B4GALT6: variants seen among roughly 807,000 people sequenced by gnomAD.
B4GALT6 encodes beta-1,4-galactosyltransferase 6.
A neutral mutation model predicts 46.3 loss-of-function variants in B4GALT6; 14 were observed. That is an observed-to-expected ratio of 0.30 (90% confidence interval 0.20 to 0.47). The LOEUF is 0.47. Ranked by LOEUF, B4GALT6 falls within the 20% of genes least tolerant of loss-of-function variation. The pLI, the probability that B4GALT6 is intolerant of heterozygous loss-of-function variation, is 0.99. For missense variants in B4GALT6, 386 were observed against 480.1 expected, an observed-to-expected ratio of 0.80 and a Z score of 1.83; for synonymous variants, 168 against 162.0, an observed-to-expected ratio of 1.04 and a Z score of -0.28.
At position 31,625,416 on chromosome 18, in the gene B4GALT6, A is replaced by T. The variant is rs2073679016; in HGVS notation, c.*198T>A. On this transcript the variant is annotated 3_prime_UTR_variant, in exon 9 of 9. Coordinates refer to ENST00000306851, the MANE Select transcript of B4GALT6 (RefSeq NM_004775.5). ...TTCCCGTTTCTGCGGTGCTCGCCAC[A>T]GGGGTGTGTCTCAGAGCAGGGAGGA... The T allele has an allele frequency of 5.8e-6, 3 of 518,720 alleles. No homozygotes were observed. Among genetic ancestry groups the T allele is most frequent in the Non-Finnish European group, 9.8e-6 (3 of 307,050 alleles). The allele number at this position is 518,720 out of a possible 1,614,324, so 32.1% of individuals were successfully genotyped here.
At chr18:31,697,399 G>A in the B4GALT6 span, among the ~76,000 whole-genome samples, 1 of 150,580 alleles carries the variant, frequency 6.6e-6, no homozygotes, top group Admixed American at 6.6e-5. Context: ...TAGAGGAAGG[G>A]GGAAGAGGGA....
intron 4 of B4GALT6, among the ~76,000 whole-genome samples, chr18:31,639,450 T>C (rs547137920): frequency 2.6e-5 from 4 of 152,168 alleles, no homozygotes; most frequent in Non-Finnish European, 4.4e-5. Flanking sequence ...ACTCCAGCCA[T>C]AGCATACAAA....
chr18:31,669,606 G>A (rs1004850723), intron 1 of B4GALT6, among the ~76,000 whole-genome samples: 8 of 152,036 alleles, frequency 5.3e-5, no homozygotes, highest in Admixed American at 6.6e-5. Context: ...CAAAAACATG[G>A]AAGAAAAGAG....
At chr18:31,708,725 T>A in the B4GALT6 span, among the ~76,000 whole-genome samples, 14 of 152,208 alleles carry the variant, frequency 9.2e-5, 1 homozygote, top group Admixed American at 9.2e-4. Flanking sequence ...TCCCAGAGTC[T>A]GAACTTCCCA....
At chr18:31,685,214 G>T (rs145581407), upstream of B4GALT6, among the ~76,000 whole-genome samples, 12,945 of 150,364 alleles carry the variant, frequency 0.086, 867 homozygotes, top group African/African-American at 0.18. Flanking sequence ...CCGCAAGGGC[G>T]GCAGCGGCAT....
chr18:31,714,005 A>G, the B4GALT6 span, among the ~76,000 whole-genome samples: 2 of 152,240 alleles, frequency 1.3e-5, no homozygotes, highest in Non-Finnish European at 2.9e-5. Flanking sequence ...AGTGCAAACT[A>G]AATATGTCTA....
At chr18:31,672,098 A>C (rs1312806836) in intron 1 of B4GALT6, among the ~76,000 whole-genome samples, 1 of 152,224 alleles carries the variant, frequency 6.6e-6, no homozygotes, top group Non-Finnish European at 1.5e-5. Context: ...ACAGTGCTGT[A>C]AGGATTCAAG....
In B4GALT6 at chr18:31,625,500, C is replaced by G; in HGVS notation, c.*114G>C. On this transcript the variant is annotated 3_prime_UTR_variant, in exon 9 of 9. Transcript: ENST00000306851. Reference sequence around the variant, plus strand: ...CTCTGTAAACACTGTGGACTGCTGGCTCTTCTCAGAGAAAAGGGCACTGTG... The same window carrying G: ...CTCTGTAAACACTGTGGACTGCTGGGTCTTCTCAGAGAAAAGGGCACTGTG... 4.2e-6 allele frequency: 5 copies of G among 1,180,352 alleles called. No individual in the cohort carries two copies. Among genetic ancestry groups the G allele is most frequent in the Non-Finnish European group, 6.2e-6 (5 of 811,848 alleles). 73.1% of individuals were successfully genotyped at this position (1,180,352 alleles called of 1,614,324 possible).
chr18:31,666,377 AAAAG>A lies in B4GALT6; in HGVS notation c.116-9_116-6del. ...CCATAAAGAGATATGTGTTGGCTAT[AAAAG>A]AAAAATAGAGAAAGAATGTCATAAC... On this transcript the variant is annotated splice_region_variant and splice_polypyrimidine_tract_variant and intron_variant, in intron 1 of 8. Coordinates refer to ENST00000306851, the MANE Select transcript of B4GALT6 (RefSeq NM_004775.5). 1 of 1,464,246 alleles carries A rather than the reference AAAAG, an allele frequency of 6.8e-7. No individual in the cohort carries two copies. The highest frequency in any genetic ancestry group is 9.4e-7 in the Non-Finnish European group (1 of 1,061,692). 90.7% of individuals were successfully genotyped at this position (1,464,246 alleles called of 1,614,324 possible).
At chr18:31,718,185 A>G in the B4GALT6 span, among the ~76,000 whole-genome samples, 3 of 152,220 alleles carry the variant, frequency 2.0e-5, no homozygotes, top group African/African-American at 7.2e-5. Context: ...GTTTCTCAAC[A>G]GAGGTGATTT....
At chr18:31,639,083 A>T (rs1378311742) in intron 4 of B4GALT6, among the ~76,000 whole-genome samples, 1 of 152,248 alleles carries the variant, frequency 6.6e-6, no homozygotes, top group Non-Finnish European at 1.5e-5. Flanking sequence ...TGGAGGGCAG[A>T]CTGGAGAAGA....
intron 1 of B4GALT6, among the ~76,000 whole-genome samples, chr18:31,671,136 C>G (rs750469163): frequency 2.2e-4 from 34 of 152,304 alleles, no homozygotes; most frequent in Admixed American, 1.2e-3. Flanking sequence ...TTTCTTAATC[C>G]AGTCTATCAC....
At chr18:31,665,840 A>G (rs1042761796) in intron 2 of B4GALT6, among the ~76,000 whole-genome samples, 10 of 152,220 alleles carry the variant, frequency 6.6e-5, no homozygotes, top group Non-Finnish European at 1.3e-4. Flanking sequence ...ACTATTAACA[A>G]TCTTCTATAA....
chr18:31,712,209 G>A, the B4GALT6 span, among the ~76,000 whole-genome samples: 1 of 151,052 alleles, frequency 6.6e-6, no homozygotes, highest in Non-Finnish European at 1.5e-5. Flanking sequence ...GGCTATAATG[G>A]AGTCTTTTTC....
the B4GALT6 span, among the ~76,000 whole-genome samples, chr18:31,718,204 G>C: frequency 1.3e-5 from 2 of 152,192 alleles, no homozygotes; most frequent in Non-Finnish European, 2.9e-5. Flanking sequence ...TTGTCCCCCA[G>C]GGGACATTTG....
rs763389216 is a variant in B4GALT6 at position 31,625,581 on chromosome 18, T to C, written c.*33A>G. On this transcript the variant is annotated 3_prime_UTR_variant, in exon 9 of 9. Transcript: ENST00000306851. ...CGCGCTCCAAGTTTATGATCCAGCATTGTGGTCTACCTTGCCACGACAGCC... is the reference window on the plus strand; with the variant it reads ...CGCGCTCCAAGTTTATGATCCAGCACTGTGGTCTACCTTGCCACGACAGCC... The C allele has an allele frequency of 8.7e-6, 14 of 1,611,794 alleles. No individual in the cohort carries two copies. The highest frequency in any genetic ancestry group is 2.5e-6 in the Non-Finnish European group (3 of 1,179,270).
intron 3 of B4GALT6, among the ~76,000 whole-genome samples, chr18:31,649,159 A>G (rs1340398612): frequency 6.6e-6 from 1 of 152,140 alleles, no homozygotes; most frequent in Non-Finnish European, 1.5e-5. Flanking sequence ...GCCATTGGTC[A>G]CCTCCTGTCC....
chr18:31,706,658 A>G, the B4GALT6 span, among the ~76,000 whole-genome samples: 1 of 152,150 alleles, frequency 6.6e-6, no homozygotes, highest in South Asian at 2.1e-4. Flanking sequence ...AAAAAAGAAC[A>G]TCATGTAACT....
At chr18:31,636,664 C>T (rs2073862710) in intron 5 of B4GALT6, among the ~76,000 whole-genome samples, 1 of 152,190 alleles carries the variant, frequency 6.6e-6, no homozygotes, top group Non-Finnish European at 1.5e-5. Flanking sequence ...CTATCACATA[C>T]ACTTAAATAT....
Sources: allele counts gnomAD v4.1 joint callset (sites outside exome capture counted in the v4.1 genomes callset), GRCh38; gene constraint gnomAD v4.1.1; transcripts MANE v1.5; gene names NCBI Gene and HGNC (gene_info 2026-07-23, HGNC 2026-07-21).